Variants in DSCAM observed in about 807,000 individuals in gnomAD.
DSCAM encodes the protein DS cell adhesion molecule.
Under a neutral mutation model 217.7 loss-of-function variants are expected in DSCAM, and 47 were observed. That is an observed-to-expected ratio of 0.22 (90% CI 0.17 to 0.28). The LOEUF (loss-of-function observed/expected upper bound fraction) is 0.28. DSCAM is among the 10% of genes least tolerant of loss of function. The pLI is 1.00. For synonymous variants in DSCAM, 1,056 were observed against 1,015.3 expected (o/e 1.04, Z -0.76); for missense variants, 2,080 against 2,618.3 (o/e 0.79, Z 4.49).
At chr21:40,786,179 T>C (rs898824163) in intron 1 of DSCAM, among the ~76,000 whole-genome samples, 10 of 151,626 alleles carry the variant, frequency 6.6e-5, no homozygotes, top group Admixed American at 5.9e-4. Flanking sequence ...GAGGTTGTGG[T>C]GAGCTGAGAT....
chr21:40,075,514 T>C (rs1360432976), intron 26 of DSCAM, among the ~76,000 whole-genome samples: 6 of 152,216 alleles, frequency 3.9e-5, no homozygotes, highest in African/African-American at 1.4e-4. Flanking sequence ...AAAAGCCACA[T>C]GCATCTACCC....
At chr21:40,377,757 TGA>T (rs2074977726) in intron 3 of DSCAM, among the ~76,000 whole-genome samples, 1 of 150,394 alleles carries the variant, frequency 6.6e-6, no homozygotes, top group African/African-American at 2.5e-5. Context: ...AGGAAAGGAG[TGA>T]GAGGAGGCAT....
chr21:40,108,693 G>A (rs748905188), intron 20 of DSCAM, among the ~76,000 whole-genome samples: 6 of 152,034 alleles, frequency 3.9e-5, no homozygotes, highest in Non-Finnish European at 7.4e-5. Context: ...AACAGCCAAG[G>A]CAATCCTAAG....
In DSCAM at chr21:40,369,090, A is replaced by T; in HGVS notation, c.655+9T>A. The T allele has an allele frequency of 1.1e-5, 18 of 1,596,176 alleles. No homozygotes were observed. Among genetic ancestry groups the T allele is most frequent in the Non-Finnish European group, 1.5e-5 (17 of 1,171,480 alleles). Reference sequence around the variant, plus strand: ...AGACATAGCAGACAGAGTCTTGATAAGTTTTTACCTGATACAAAAAGTCTG... The same window carrying T: ...AGACATAGCAGACAGAGTCTTGATATGTTTTTACCTGATACAAAAAGTCTG... On this transcript the variant is annotated intron_variant, in intron 4 of 32. Transcript: ENST00000400454.
intron 3 of DSCAM, among the ~76,000 whole-genome samples, chr21:40,640,614 T>C (rs990616878): frequency 3.3e-5 from 5 of 152,138 alleles, no homozygotes; most frequent in East Asian, 1.9e-4. Flanking sequence ...GAGATGGGGA[T>C]GGAGATTCTG....
chr21:40,055,891 T>A (rs1263589744), intron 28 of DSCAM, 51 bp from the exon 29 acceptor site: 14 of 1,399,192 alleles, frequency 1.0e-5, no homozygotes, highest in Non-Finnish European at 1.3e-5. Flanking sequence ...AGTGTTAACA[T>A]TCTACCAACA....
At chr21:40,029,284 T>G (rs1323799068) in intron 32 of DSCAM, among the ~76,000 whole-genome samples, 2 of 152,246 alleles carry the variant, frequency 1.3e-5, no homozygotes, top group East Asian at 3.9e-4. Context: ...GTTTCAAGTT[T>G]CAGACATGCA....
chr21:40,381,754 A>C lies in DSCAM; in HGVS notation c.509-12509T>G, dbSNP rs184368749. On this transcript the variant is annotated intron_variant, in intron 3 of 32. Transcript: ENST00000400454. ...TGTGGCCACTTAATATTATGGGATAATGGTTTTTCACACTTTGGGTTCACC... is the reference window on the plus strand; with the variant it reads ...TGTGGCCACTTAATATTATGGGATACTGGTTTTTCACACTTTGGGTTCACC... 6.6e-3 allele frequency among the ~76,000 whole-genome samples: 1,006 copies of C among 152,348 alleles called. 15 individuals carry two copies. Among genetic ancestry groups the C allele is most frequent in the Admixed American group, 8.1e-3 (124 of 15,304 alleles).
Position 40,360,116 on chromosome 21 carries a change from A to T in DSCAM, c.656-6373T>A, listed in dbSNP as rs1325736256. Reference sequence around the variant, plus strand: ...TCAGGTAGTGAGCATGGTACTTCATAGGTAGTCTTTTTTTTTTTTTTTTTT... The same window carrying T: ...TCAGGTAGTGAGCATGGTACTTCATTGGTAGTCTTTTTTTTTTTTTTTTTT... On this transcript the variant is annotated intron_variant, in intron 4 of 32. Transcript: ENST00000400454. Among the ~76,000 whole-genome samples the T allele has an allele frequency of 5.2e-5, 7 of 133,534 alleles. 2 individuals carry two copies. The highest frequency in any genetic ancestry group is 2.5e-4 in the South Asian group (1 of 4,056). 87.6% of individuals were successfully genotyped at this position (133,534 alleles called of 152,430 possible).
At chr21:40,843,541 A>G (rs2092119874) in intron 1 of DSCAM, among the ~76,000 whole-genome samples, 1 of 152,202 alleles carries the variant, frequency 6.6e-6, no homozygotes, top group Non-Finnish European at 1.5e-5. Context: ...CTCTGGGGTT[A>G]AAACCAGGAG....
chr21:40,222,451 C>G (rs2091296473), intron 11 of DSCAM, among the ~76,000 whole-genome samples: 2 of 152,156 alleles, frequency 1.3e-5, no homozygotes, highest in African/African-American at 2.4e-5. Flanking sequence ...AAAACCACCG[C>G]TTGCCAAATT....
intron 3 of DSCAM, among the ~76,000 whole-genome samples, chr21:40,610,402 T>A (rs2089297064): frequency 6.6e-6 from 1 of 152,218 alleles, no homozygotes; most frequent in African/African-American, 2.4e-5. Flanking sequence ...CAGCCCTAGA[T>A]GTCTGTAAAG....
chr21:40,560,379 C>T (rs1038257835), intron 3 of DSCAM, among the ~76,000 whole-genome samples: 12 of 152,024 alleles, frequency 7.9e-5, no homozygotes, highest in African/African-American at 1.2e-4. Context: ...GGTAAGGATC[C>T]GGAAATTCCT....
intron 8 of DSCAM, among the ~76,000 whole-genome samples, chr21:40,324,873 G>A (rs1244924308): frequency 2.0e-5 from 3 of 152,120 alleles, no homozygotes; most frequent in Non-Finnish European, 4.4e-5. Flanking sequence ...TCTAGATGAG[G>A]TACAATTATT....
intron 10 of DSCAM, among the ~76,000 whole-genome samples, chr21:40,281,957 T>C (rs2073766343): frequency 1.3e-5 from 2 of 152,250 alleles, no homozygotes; most frequent in Non-Finnish European, 1.5e-5. Context: ...ATGTTGAATA[T>C]TATCAGCTAG....
At chr21:40,274,706 G>A (rs558124429) in intron 11 of DSCAM, among the ~76,000 whole-genome samples, 8 of 152,144 alleles carry the variant, frequency 5.3e-5, no homozygotes, top group Non-Finnish European at 1.2e-4. Flanking sequence ...CAGAGCATAC[G>A]ATTTAAAAGT....
At chr21:40,825,618 CA>C (rs2091963140) in intron 1 of DSCAM, among the ~76,000 whole-genome samples, 1 of 152,054 alleles carries the variant, frequency 6.6e-6, no homozygotes. Context: ...TGCCTGGCCT[CA>C]GTAAACATTT....
intron 32 of DSCAM, among the ~76,000 whole-genome samples, chr21:40,037,883 C>A (rs2088657734): frequency 6.8e-6 from 1 of 147,368 alleles, no homozygotes; most frequent in Non-Finnish European, 1.5e-5. Context: ...ACTATCTGAT[C>A]TTTGACCAAC....
At chr21:40,522,769 T>C (rs1341118459) in intron 3 of DSCAM, among the ~76,000 whole-genome samples, 1 of 152,194 alleles carries the variant, frequency 6.6e-6, no homozygotes, top group Non-Finnish European at 1.5e-5. Flanking sequence ...TGCCAAATCT[T>C]CCTGTTTCCA....
Sources: gnomAD v4.1 joint callset for allele counts (sites outside exome capture counted in the v4.1 genomes callset) on GRCh38, gnomAD v4.1.1 for gene constraint, MANE v1.5 for transcripts, NCBI Gene and HGNC (gene_info 2026-07-23, HGNC 2026-07-21) for gene names.